ADAM2: variants seen among roughly 807,000 people sequenced by gnomAD.
The protein encoded by ADAM2 is ADAM metallopeptidase domain 2, also known as disintegrin and metalloproteinase domain-containing protein 2.
A neutral mutation model predicts 99.3 loss-of-function variants in ADAM2; 101 were observed. The observed-to-expected ratio is 1.02, with a 90% CI of 0.87 to 1.20. The LOEUF (loss-of-function observed/expected upper bound fraction) is 1.20. Among genes scored for constraint, ADAM2 ranks in the 50% most tolerant of loss-of-function variants. The probability of loss-of-function intolerance (pLI) is 0.00; values close to 1 mark genes in which losing one functional copy is unlikely to be tolerated. For synonymous variants in ADAM2, 323 were observed against 287.6 expected (o/e 1.12, Z -1.25); for missense variants, 948 against 878.7 (o/e 1.08, Z -1.00).
At chr8:39,776,545 C>CA (rs950487627) in intron 11 of ADAM2, among the ~76,000 whole-genome samples, 22 of 151,774 alleles carry the variant, frequency 1.4e-4, no homozygotes, top group Middle Eastern at 3.4e-3. Context: ...TTGATATCAG[C>CA]AAAAAAAATT....
At chr8:39,772,387 A>G (rs940181275) in intron 11 of ADAM2, among the ~76,000 whole-genome samples, 1 of 152,008 alleles carries the variant, frequency 6.6e-6, no homozygotes, top group African/African-American at 2.4e-5. Context: ...GGAGGTAATG[A>G]GATAGACATG....
Position 39,818,661 on chromosome 8 carries a change from C to A in ADAM2, c.513+2341G>T, listed in dbSNP as rs142534982. Among the ~76,000 whole-genome samples, 366 of 151,996 alleles carry A rather than the reference C, an allele frequency of 2.4e-3. 1 individual carries two copies. The highest frequency in any genetic ancestry group is 4.1e-3 in the Non-Finnish European group (280 of 67,862). On this transcript the variant is annotated intron_variant, in intron 6 of 20. Transcript: ENST00000265708. ...CTATCTTTATTCAAGATGGCATGAC[C>A]ATGTACATAAAAAGTCGTGGAGTTC...
intron 3 of ADAM2, among the ~76,000 whole-genome samples, chr8:39,833,370 C>T (rs1805692801): frequency 6.6e-6 from 1 of 151,974 alleles, no homozygotes; most frequent in East Asian, 1.9e-4. Flanking sequence ...CAGGCTTCTG[C>T]TTTTGATAAT....
At chr8:39,817,936 G>C (rs1336793240) in intron 6 of ADAM2, 1 of 151,866 alleles carries the variant, frequency 6.6e-6, no homozygotes, top group South Asian at 2.1e-4. Flanking sequence ...TAGACTTAAT[G>C]AGAAAAAATT....
chr8:39,835,814 C>T (rs1195218895), intron 2 of ADAM2, among the ~76,000 whole-genome samples: 2 of 151,770 alleles, frequency 1.3e-5, no homozygotes, highest in African/African-American at 4.8e-5. Context: ...AGCATAATAG[C>T]CTAGTTTGTT....
chr8:39,778,581 C>T (rs1004181612), intron 10 of ADAM2, among the ~76,000 whole-genome samples: 2 of 152,050 alleles, frequency 1.3e-5, no homozygotes, highest in African/African-American at 4.8e-5. Context: ...CTACATTTTG[C>T]ATGCACATGG....
At chr8:39,833,422 T>G (rs376745603) in intron 3 of ADAM2, among the ~76,000 whole-genome samples, 4 of 152,240 alleles carry the variant, frequency 2.6e-5, no homozygotes, top group African/African-American at 9.6e-5. Context: ...TCATTTCAAT[T>G]TTCACTTTTC....
chr8:39,782,593 C>T (rs1803275984), intron 10 of ADAM2, among the ~76,000 whole-genome samples: 1 of 152,016 alleles, frequency 6.6e-6, no homozygotes. Context: ...TGCAGATTTA[C>T]TTTTCTATTT....
chr8:39,817,567 T>C (rs1221029010), intron 6 of ADAM2, among the ~76,000 whole-genome samples: 2 of 152,178 alleles, frequency 1.3e-5, no homozygotes, highest in African/African-American at 2.4e-5. Context: ...TCATTACACA[T>C]TTTATTCAAG....
At chr8:39,796,474 C>G (rs1803953602) in intron 7 of ADAM2, among the ~76,000 whole-genome samples, 1 of 152,108 alleles carries the variant, frequency 6.6e-6, no homozygotes, top group Non-Finnish European at 1.5e-5. Context: ...CATGTCTTTG[C>G]TATTGTAAGT....
At position 39,838,194 on chromosome 8, in the gene ADAM2, G is replaced by T; in HGVS notation, c.-9C>A. The T allele has an allele frequency of 1.9e-6, 3 of 1,614,176 alleles. No individual in the cohort carries two copies. The highest frequency in any genetic ancestry group is 2.5e-6 in the Non-Finnish European group (3 of 1,180,030). Reference sequence around the variant, plus strand: ...AACAAGACGCGCCACATGGCTTGAAGTCCTGGGTCCCAGCCGGAATAATGG... The same window carrying T: ...AACAAGACGCGCCACATGGCTTGAATTCCTGGGTCCCAGCCGGAATAATGG... On this transcript the variant is annotated 5_prime_UTR_variant, in exon 1 of 21. Coordinates refer to ENST00000265708, the MANE Select transcript of ADAM2 (RefSeq NM_001464.5).
chr8:39,808,637 G>A (rs1223661009), intron 7 of ADAM2, among the ~76,000 whole-genome samples: 1 of 152,146 alleles, frequency 6.6e-6, no homozygotes, highest in East Asian at 1.9e-4. Flanking sequence ...GAAAAAGTTG[G>A]CCAGGCACAG....
At chr8:39,762,884 A>G (rs1474772420) in intron 14 of ADAM2, among the ~76,000 whole-genome samples, 1 of 152,226 alleles carries the variant, frequency 6.6e-6, no homozygotes, top group Non-Finnish European at 1.5e-5. Context: ...CTATCTACAG[A>G]GAGGAAGAGA....
chr8:39,772,063 A>T (rs992253903), intron 11 of ADAM2, among the ~76,000 whole-genome samples: 2 of 151,548 alleles, frequency 1.3e-5, no homozygotes, highest in African/African-American at 4.8e-5. Flanking sequence ...TGTACCCTAG[A>T]ACTTAAAAGT....
At chr8:39,766,440 T>C (rs1340436883) in intron 14 of ADAM2, among the ~76,000 whole-genome samples, 4 of 144,342 alleles carry the variant, frequency 2.8e-5, no homozygotes, top group Non-Finnish European at 4.5e-5. Flanking sequence ...AGTATTCTCT[T>C]TTTTTTTTTT....
intron 3 of ADAM2, among the ~76,000 whole-genome samples, chr8:39,833,237 G>A (rs12335159): frequency 1.4e-3 from 217 of 151,884 alleles, no homozygotes; most frequent in African/African-American, 4.8e-3. Context: ...AACTAGTACC[G>A]TCCATCTTAT....
chr8:39,817,169 G>A lies in ADAM2; in HGVS notation c.513+3833C>T, dbSNP rs117504284. On this transcript the variant is annotated intron_variant, in intron 6 of 20. Transcript: ENST00000265708. ...TAGATATAAAAGAAGAAAGAATAAA[G>A]GAATAAGGAACATATAAGACAAATA... Among the ~76,000 whole-genome samples, 1,253 of 152,044 alleles carry A rather than the reference G, an allele frequency of 8.2e-3. 9 individuals carry two copies. Among genetic ancestry groups the A allele is most frequent in the Non-Finnish European group, 0.012 (848 of 67,956 alleles).
chr8:39,746,586 C>G lies in ADAM2; in HGVS notation c.2060G>C (p.Trp687Ser), dbSNP rs753222239. The G allele has an allele frequency of 6.2e-7, 1 of 1,606,138 alleles. No homozygotes were observed. The highest frequency in any genetic ancestry group is 1.3e-5 in the African/African-American group (1 of 74,352). ...GAAAGGAATGAATAAGAAAAATGGC[C>G]ATCTCATTGGTTTGGAATGGTAAAT... ...ENIYHSKPMRWPFFLFIPFFI... is the reference protein window; with the variant it reads ...ENIYHSKPMRSPFFLFIPFFI... Residue 687 changes from tryptophan (W) to serine (S), a missense_variant, in exon 19 of 21, where the codon TGG becomes TCG. Trp to Ser is a radical substitution (Grantham distance 177). Transcript: ENST00000265708.
intron 14 of ADAM2, among the ~76,000 whole-genome samples, chr8:39,763,669 G>A (rs970670625): frequency 1.3e-5 from 2 of 152,140 alleles, no homozygotes; most frequent in African/African-American, 2.4e-5. Context: ...GCCAACCGAC[G>A]CTCTTATTCT....
Sources: allele counts gnomAD v4.1 joint callset (sites outside exome capture counted in the v4.1 genomes callset), GRCh38; gene constraint gnomAD v4.1.1; transcripts MANE v1.5; gene names NCBI Gene and HGNC (gene_info 2026-07-23, HGNC 2026-07-21).